PLA2G5: variants seen among roughly 807,000 people sequenced by gnomAD.
PLA2G5 encodes the protein phospholipase A2 group V.
PLA2G5 carries 12 observed loss-of-function variants against 15.9 expected under a neutral mutation model. That is an observed-to-expected ratio of 0.76 (90% CI 0.48 to 1.23). PLA2G5 has a LOEUF of 1.23. Ranked by LOEUF, PLA2G5 falls within the 50% of genes most tolerant of loss-of-function variation. The pLI is 0.00. For synonymous variants in PLA2G5, 71 were observed against 71.4 expected, an observed-to-expected ratio of 0.99 and a Z score of 0.03; for missense variants, 169 against 177.1, an observed-to-expected ratio of 0.95 and a Z score of 0.26.
chr1:20,063,670 T>C (rs1569736940), intron 2 of PLA2G5: 2 of 152,334 alleles, frequency 1.3e-5, no homozygotes, highest in Middle Eastern at 6.8e-3. Context: ...AGGCCCTGAT[T>C]TGGAATGAAT....
At chr1:20,067,707 A>T (rs192863600), upstream of PLA2G5, among the ~76,000 whole-genome samples, 2 of 151,584 alleles carry the variant, frequency 1.3e-5, no homozygotes, top group East Asian at 4.0e-4. Flanking sequence ...AAAAAATTAT[A>T]GTAATTAGGC....
intron 1 of PLA2G5, among the ~76,000 whole-genome samples, chr1:20,079,670 T>C (rs1158465662): frequency 6.6e-6 from 1 of 152,134 alleles, no homozygotes; most frequent in East Asian, 1.9e-4. Flanking sequence ...ACATGTGCCT[T>C]GTTTTATATA....
chr1:20,058,055 T>C (rs2014525345), intron 1 of PLA2G5, among the ~76,000 whole-genome samples: 1 of 152,214 alleles, frequency 6.6e-6, no homozygotes, highest in Non-Finnish European at 1.5e-5. Flanking sequence ...ATGTGGTCTA[T>C]CTTGGTGAGT....
At chr1:20,030,974 A>G (rs528910615) in intron 1 of PLA2G5, among the ~76,000 whole-genome samples, 28 of 152,336 alleles carry the variant, frequency 1.8e-4, no homozygotes, top group East Asian at 9.6e-4. Context: ...TTCTTTCTAC[A>G]TAGACACAGT....
chr1:20,064,843 T>G (rs2014934522), intron 2 of PLA2G5, among the ~76,000 whole-genome samples: 1 of 152,150 alleles, frequency 6.6e-6, no homozygotes. Flanking sequence ...ACCAGCTCCA[T>G]GGGAATCACC....
At chr1:20,038,951 C>G (rs2100321216) in intron 1 of PLA2G5, among the ~76,000 whole-genome samples, 1 of 152,240 alleles carries the variant, frequency 6.6e-6, no homozygotes, top group Non-Finnish European at 1.5e-5. Flanking sequence ...GGGTATTCCT[C>G]TTGGCATCAG....
intron 4 of PLA2G5, 31 bp from the exon 5 acceptor site, chr1:20,090,537 C>T: frequency 6.2e-7 from 1 of 1,613,316 alleles, no homozygotes; most frequent in South Asian, 1.1e-5. Context: ...GCTCTTCCCA[C>T]CCTCATTCTG....
intron 1 of PLA2G5, among the ~76,000 whole-genome samples, chr1:20,059,287 G>T (rs2014586298): frequency 6.6e-6 from 1 of 152,110 alleles, no homozygotes; most frequent in African/African-American, 2.4e-5. Flanking sequence ...TATTAGCTGG[G>T]TGTGGTGGCA....
chr1:20,057,525 G>C (rs1210491361), intron 1 of PLA2G5, among the ~76,000 whole-genome samples: 1 of 151,990 alleles, frequency 6.6e-6, no homozygotes, highest in African/African-American at 2.4e-5. Context: ...TATTTAAAGA[G>C]TCTCGCTCTG....
Position 20,090,851 on chromosome 1 carries a change from C to A in PLA2G5, c.*159C>A. On this transcript the variant is annotated 3_prime_UTR_variant, in exon 5 of 5. Coordinates refer to ENST00000375108, the MANE Select transcript of PLA2G5 (RefSeq NM_000929.3). ...CCCAGGGCCACACTGTACCCTCCAG[C>A]GAGTCCCAGGAGAGTGACTCTGGTC... The A allele has an allele frequency of 1.4e-6, 1 of 699,572 alleles. No individual in the cohort carries two copies. The highest frequency in any genetic ancestry group is 2.4e-6 in the Non-Finnish European group (1 of 413,288). 43.3% of individuals were successfully genotyped at this position (699,572 alleles called of 1,614,324 possible). A position where few individuals can be genotyped will look rare whatever the true frequency, so the allele number is the denominator to read the frequency against.
rs1003891027 is a variant in PLA2G5, at chr1:20,090,801, AG to A, written c.*110del. ...GAGAGGCTCCTAAGTCACAGACCTCAGTCTTTCTCGAAGCTTGGCGGACCCC... is the reference window on the plus strand; with the variant it reads ...GAGAGGCTCCTAAGTCACAGACCTCATCTTTCTCGAAGCTTGGCGGACCCC... On this transcript the variant is annotated 3_prime_UTR_variant, in exon 5 of 5. Transcript: ENST00000375108. The A allele has an allele frequency of 8.3e-7, 1 of 1,202,894 alleles. No homozygotes were observed. The highest frequency in any genetic ancestry group is 1.2e-6 in the Non-Finnish European group (1 of 826,244). 74.5% of individuals were successfully genotyped at this position (1,202,894 alleles called of 1,614,324 possible). A position where few individuals can be genotyped will look rare whatever the true frequency, so the allele number is the denominator to read the frequency against.
At chr1:20,031,291 A>T (rs2012919196) in intron 1 of PLA2G5, among the ~76,000 whole-genome samples, 1 of 152,208 alleles carries the variant, frequency 6.6e-6, no homozygotes, top group African/African-American at 2.4e-5. Flanking sequence ...CAAATCTAAC[A>T]GTTGGAAAAA....
intron 1 of PLA2G5, among the ~76,000 whole-genome samples, chr1:20,034,243 G>A (rs1016460692): frequency 1.3e-5 from 2 of 152,166 alleles, no homozygotes; most frequent in South Asian, 2.1e-4. Flanking sequence ...AGGCCTGTTC[G>A]AATAGGAGGG....
chr1:20,054,852 G>A lies in PLA2G5; in HGVS notation n.277-4780G>A, dbSNP rs528726132. ...ACTGGCTCAAAAGGTAAGTGCATAC[G>A]TAGTTTTGTTAGGTGATACCAAATT... On this transcript the variant is annotated intron_variant and non_coding_transcript_variant, in intron 1 of 6. Transcript: ENST00000460175. 22 of 152,256 alleles carry A rather than the reference G, an allele frequency of 1.4e-4. No homozygotes were observed. The South Asian group carries it at 2.3e-3, about 16-fold the overall frequency. 9.4% of individuals were successfully genotyped at this position (152,256 alleles called of 1,614,324 possible).
chr1:20,075,684 A>C (rs2015625125), intron 1 of PLA2G5, among the ~76,000 whole-genome samples: 1 of 152,158 alleles, frequency 6.6e-6, no homozygotes, highest in South Asian at 2.1e-4. Flanking sequence ...ATTGTGAGGC[A>C]GATTAGACTT....
At chr1:20,056,738 T>A (rs1014941805) in intron 1 of PLA2G5, among the ~76,000 whole-genome samples, 1 of 152,140 alleles carries the variant, frequency 6.6e-6, no homozygotes, top group Non-Finnish European at 1.5e-5. Flanking sequence ...CTAGAATGAG[T>A]TAGGGAGTAT....
At chr1:20,040,824 T>C (rs2013547857) in intron 1 of PLA2G5, among the ~76,000 whole-genome samples, 1 of 152,332 alleles carries the variant, frequency 6.6e-6, no homozygotes, top group Middle Eastern at 3.4e-3. Flanking sequence ...GTGTATCTGA[T>C]TGCATCCTTT....
chr1:20,072,110 A>G lies in PLA2G5; in HGVS notation c.-11+1645A>G, dbSNP rs1356931706. ...GGCAACAGAGCAAGATGTCTCAAAA[A>G]TAAATAAATAAAGTGGCCACTCCCA... On this transcript the variant is annotated intron_variant, in intron 1 of 4. Transcript: ENST00000375108. Among the ~76,000 whole-genome samples the G allele has an allele frequency of 4.6e-5, 7 of 152,098 alleles. No individual in the cohort carries two copies. In the East Asian group the frequency reaches 7.8e-4, roughly 17 times the overall value.
intron 1 of PLA2G5, among the ~76,000 whole-genome samples, chr1:20,042,794 C>T (rs1489424466): frequency 3.3e-5 from 5 of 151,808 alleles, no homozygotes; most frequent in East Asian, 1.9e-4. Flanking sequence ...AGGGAGACCA[C>T]GTGTGTTTTT....
Sources: allele counts gnomAD v4.1 joint callset (sites outside exome capture counted in the v4.1 genomes callset), GRCh38; gene constraint gnomAD v4.1.1; transcripts MANE v1.5; gene names NCBI Gene and HGNC (gene_info 2026-07-23, HGNC 2026-07-21).